RANBP2: variants seen among roughly 807,000 people sequenced by gnomAD.
RANBP2 encodes RAN binding protein 2.
Under a neutral mutation model 303.6 loss-of-function variants are expected in RANBP2, and 57 were observed. The ratio of observed to expected loss-of-function variants is 0.19; its 90% CI spans 0.15 to 0.23. RANBP2 has a LOEUF of 0.23. RANBP2 is among the 10% of genes least tolerant of loss of function. The probability of loss-of-function intolerance (pLI) is 1.00; values close to 1 mark genes in which losing one functional copy is unlikely to be tolerated. For synonymous variants in RANBP2, 1,167 were observed against 1,301.5 expected (o/e 0.90, Z 2.23); for missense variants, 3,138 against 3,780.8 (o/e 0.83, Z 4.46).
chr2:108,797,381 C>A, the RANBP2 span, among the ~76,000 whole-genome samples: 1 of 152,038 alleles, frequency 6.6e-6, no homozygotes, highest in African/African-American at 2.4e-5. Flanking sequence ...TTGAGAGAAT[C>A]AATAAAATAA....
intron 8 of RANBP2, among the ~76,000 whole-genome samples, chr2:108,747,286 A>G (rs1432907044): frequency 6.6e-6 from 1 of 152,234 alleles, no homozygotes; most frequent in Non-Finnish European, 1.5e-5. Context: ...GATAAATCCT[A>G]AAGGTCTGTT....
At chr2:109,323,138 G>A in the RANBP2 span, among the ~76,000 whole-genome samples, 1 of 152,210 alleles carries the variant, frequency 6.6e-6, no homozygotes, top group Non-Finnish European at 1.5e-5. Flanking sequence ...TCCAGAGAGA[G>A]GCCTCGGCTT....
At chr2:109,168,368 G>C in the RANBP2 span, among the ~76,000 whole-genome samples, 8 of 152,322 alleles carry the variant, frequency 5.3e-5, no homozygotes, top group Non-Finnish European at 1.2e-4. Context: ...CCAGCTATCA[G>C]GAGTGAGATG....
At chr2:109,512,384 C>T in the RANBP2 span, among the ~76,000 whole-genome samples, 1 of 152,134 alleles carries the variant, frequency 6.6e-6, no homozygotes, top group South Asian at 2.1e-4. Flanking sequence ...CTGATTTCAC[C>T]TCTCACTGTG....
chr2:109,137,309 C>T, the RANBP2 span, among the ~76,000 whole-genome samples: 2 of 152,150 alleles, frequency 1.3e-5, no homozygotes, highest in Admixed American at 6.5e-5. Context: ...ATCTTTCTGA[C>T]TTTGTGGTGG....
the RANBP2 span, among the ~76,000 whole-genome samples, chr2:109,625,589 T>C: frequency 1.3e-5 from 2 of 151,316 alleles, no homozygotes; most frequent in Non-Finnish European, 2.9e-5. Flanking sequence ...TCGCTTGAAC[T>C]CGGGAGGTGG....
chr2:109,084,418 A>G, the RANBP2 span, among the ~76,000 whole-genome samples: 1 of 152,368 alleles, frequency 6.6e-6, no homozygotes, highest in East Asian at 1.9e-4. Context: ...CTCTTTCAGG[A>G]CAGAGGCTGT....
the RANBP2 span, among the ~76,000 whole-genome samples, chr2:109,620,911 A>G: frequency 6.6e-6 from 1 of 152,182 alleles, no homozygotes; most frequent in African/African-American, 2.4e-5. Context: ...TAAACATACC[A>G]TGGACTGCCT....
At chr2:109,022,485 T>C in the RANBP2 span, among the ~76,000 whole-genome samples, 1 of 152,206 alleles carries the variant, frequency 6.6e-6, no homozygotes, top group African/African-American at 2.4e-5. Flanking sequence ...GTAAAATCTT[T>C]AAAAATTACT....
chr2:109,280,116 G>T, the RANBP2 span, among the ~76,000 whole-genome samples: 5 of 151,996 alleles, frequency 3.3e-5, no homozygotes, highest in African/African-American at 4.8e-5. Context: ...CATGTTTTTT[G>T]GGGGCTCCTC....
chr2:109,432,692 G>C, the RANBP2 span: 1 of 1,602,910 alleles, frequency 6.2e-7, no homozygotes, highest in East Asian at 2.2e-5. Flanking sequence ...GGTGGTGGCA[G>C]CCTGGGCAAG....
the RANBP2 span, among the ~76,000 whole-genome samples, chr2:109,734,203 A>G: frequency 6.6e-6 from 1 of 151,640 alleles, no homozygotes; most frequent in East Asian, 1.9e-4. Flanking sequence ...ATCCAAATAT[A>G]AAGGAATAGG....
At chr2:109,030,382 C>T in the RANBP2 span, among the ~76,000 whole-genome samples, 1 of 152,154 alleles carries the variant, frequency 6.6e-6, no homozygotes, top group Admixed American at 6.5e-5. Flanking sequence ...AAGTAAAGCC[C>T]ATTGTTAATG....
At chr2:109,520,342 C>A in the RANBP2 span, among the ~76,000 whole-genome samples, 1 of 152,124 alleles carries the variant, frequency 6.6e-6, no homozygotes, top group Non-Finnish European at 1.5e-5. Context: ...GTGGCTCATG[C>A]CTGTAATCCC....
the RANBP2 span, among the ~76,000 whole-genome samples, chr2:108,800,602 G>A: frequency 1.0e-5 from 1 of 96,378 alleles, no homozygotes; most frequent in Non-Finnish European, 1.9e-5. Flanking sequence ...TCTCATCTCA[G>A]TTTAGCTTTT....
chr2:109,365,960 C>A, the RANBP2 span, among the ~76,000 whole-genome samples: 1 of 152,146 alleles, frequency 6.6e-6, no homozygotes, highest in Non-Finnish European at 1.5e-5. Context: ...TTTAGAAGCA[C>A]AAGAAAATTA....
chr2:108,746,052 G>A (rs1696486690), intron 7 of RANBP2, among the ~76,000 whole-genome samples: 1 of 151,888 alleles, frequency 6.6e-6, no homozygotes, highest in Admixed American at 6.6e-5. Flanking sequence ...GACCACAGGT[G>A]TGGGCCACCA....
the RANBP2 span, among the ~76,000 whole-genome samples, chr2:109,723,891 A>G: frequency 6.6e-6 from 1 of 152,088 alleles, no homozygotes; most frequent in Non-Finnish European, 1.5e-5. Flanking sequence ...TAGCATTTTT[A>G]TAGTTTTGGG....
downstream of RANBP2, chr2:108,788,868 C>T: frequency 6.2e-7 from 1 of 1,613,996 alleles, no homozygotes; most frequent in Non-Finnish European, 8.5e-7. Flanking sequence ...TGGATATCTA[C>T]TCTGGAGATA....
Sources: allele counts gnomAD v4.1 joint callset (sites outside exome capture counted in the v4.1 genomes callset), GRCh38; gene constraint gnomAD v4.1.1; transcripts MANE v1.5; gene names NCBI Gene and HGNC (gene_info 2026-07-23, HGNC 2026-07-21).